Variants in TRMT5 observed in about 807,000 individuals in gnomAD.
TRMT5 encodes the protein tRNA methyltransferase 5, also known as tRNA (guanine(37)-N(1))-methyltransferase.
TRMT5 carries 31 observed loss-of-function variants against 42.2 expected under a neutral mutation model. The observed-to-expected ratio is 0.73, with a 90% CI of 0.55 to 0.99. TRMT5 has a LOEUF of 0.99. Among genes scored for constraint, TRMT5 ranks in the 50% least tolerant of loss-of-function variants. The pLI, the probability that TRMT5 is intolerant of heterozygous loss-of-function variation, is 0.00. For missense variants in TRMT5, 568 were observed against 595.0 expected (o/e 0.95, Z 0.47); for synonymous variants, 198 against 209.6 (o/e 0.94, Z 0.48).
intron 2 of TRMT5, 76 bp from the exon 3 acceptor site, chr14:60,977,714 G>C: frequency 7.2e-7 from 1 of 1,389,582 alleles, no homozygotes; most frequent in Non-Finnish European, 9.6e-7. Context: ...ATATGAAACA[G>C]AAATGAGTTG....
Position 60,980,967 on chromosome 14 carries a change from G to A in TRMT5, c.7C>T (p.Leu3Phe). 6.2e-7 allele frequency: 1 copy of A among 1,612,356 alleles called. No homozygotes were observed. Among genetic ancestry groups the A allele is most frequent in the Non-Finnish European group, 8.5e-7 (1 of 1,180,004 alleles). ...CTAACGCGGCCGCCACCTCACCAAA[G>A]CACCATTCCAATTCCCCACGTCGCT... is the stretch of plus-strand genomic sequence containing the variant. MV[L>F]WILWRPFGFS... Residue 3 changes from leucine to phenylalanine, a missense_variant, in exon 1 of 5, where the codon CTT becomes TTT. By Grantham distance (22) the Leu-to-Phe change is conservative. Coordinates refer to ENST00000261249, the MANE Select transcript of TRMT5 (RefSeq NM_020810.3).
At chr14:60,978,652 G>T (rs1398679134) in intron 2 of TRMT5, among the ~76,000 whole-genome samples, 3 of 152,166 alleles carry the variant, frequency 2.0e-5, no homozygotes, top group African/African-American at 7.2e-5. Flanking sequence ...TTGAGTTAGG[G>T]TAGGCAGTGA....
chr14:60,981,244 C>G (rs1287901764), upstream of TRMT5: 2 of 1,572,166 alleles, frequency 1.3e-6, no homozygotes, highest in South Asian at 2.3e-5. Context: ...GGTAGAGGCT[C>G]GTAGATGGAA....
intron 3 of TRMT5, among the ~76,000 whole-genome samples, chr14:60,976,983 A>T (rs929783004): frequency 2.0e-5 from 3 of 152,168 alleles, no homozygotes. Context: ...TCATAGATAG[A>T]TACATCTTCC....
chr14:60,976,096 C>T lies in TRMT5; in HGVS notation c.823G>A (p.Asp275Asn), dbSNP rs1566589759. Residue 275 changes from aspartate to asparagine, a missense_variant, in exon 4 of 5, where the codon GAT (aspartate) becomes AAT (asparagine). Coordinates refer to ENST00000261249, the MANE Select transcript of TRMT5 (RefSeq NM_020810.3). ...VRENNYTYEFDFSKVYWNPRL... is the reference protein window; with the variant it reads ...VRENNYTYEFNFSKVYWNPRL... ...GGATTCCAATAGACTTTTGAAAAAT[C>T]AAATTCATAGGTGTAGTTGTTTTCT... is the stretch of plus-strand genomic sequence containing the variant. 6.2e-7 allele frequency: 1 copy of T among 1,610,358 alleles called. No homozygotes were observed. The highest frequency in any genetic ancestry group is 2.2e-5 in the East Asian group (1 of 44,832).
chr14:60,975,486 G>C lies in TRMT5; in HGVS notation c.1433C>G (p.Thr478Ser), dbSNP rs1700239303. Residue 478 changes from threonine (T) to serine (S), a missense_variant, in exon 4 of 5, where the codon ACC (threonine) becomes AGC (serine). Thr to Ser is a moderately conservative substitution (Grantham distance 58). Coordinates refer to ENST00000261249, the MANE Select transcript of TRMT5 (RefSeq NM_020810.3). ...IPASVLYKNQ[T>S]RNPENHEDPP... Reference sequence around the variant, plus strand: ...CAGAAACTGCTCACCTGGATTTCTGGTCTGGTTCTTGTAGAGGACAGAGGC... The same window carrying C: ...CAGAAACTGCTCACCTGGATTTCTGCTCTGGTTCTTGTAGAGGACAGAGGC... The C allele has an allele frequency of 5.0e-6, 8 of 1,608,560 alleles. No homozygotes were observed. The highest frequency in any genetic ancestry group is 1.3e-5 in the African/African-American group (1 of 74,900).
At chr14:60,981,291 G>A (rs776298179), upstream of TRMT5, 12 of 1,606,846 alleles carry the variant, frequency 7.5e-6, no homozygotes, top group African/African-American at 1.3e-5. Flanking sequence ...GAGGCGTCCT[G>A]GGGGAGCTTC....
Position 60,974,999 on chromosome 14 carries a change from A to G in TRMT5, c.*110T>C. On this transcript the variant is annotated 3_prime_UTR_variant, in exon 5 of 5. Coordinates refer to ENST00000261249, the MANE Select transcript of TRMT5 (RefSeq NM_020810.3). Reference sequence around the variant, plus strand: ...TAATCCTCAATTTGTAAAATAAGGCAAAGTACAAGGGTTCAATAGTAAAAA... The same window carrying G: ...TAATCCTCAATTTGTAAAATAAGGCGAAGTACAAGGGTTCAATAGTAAAAA... 5.6e-6 allele frequency: 4 copies of G among 715,104 alleles called. No homozygotes were observed. The highest frequency in any genetic ancestry group is 8.5e-6 in the Non-Finnish European group (4 of 469,632). The allele number at this position is 715,104 out of a possible 1,614,324, so 44.3% of individuals were successfully genotyped here. A position where few individuals can be genotyped will look rare whatever the true frequency, so the allele number is the denominator to read the frequency against.
chr14:60,973,463 T>C lies in TRMT5; in HGVS notation c.*1646A>G, dbSNP rs1382624295. The C allele has an allele frequency of 6.6e-6, 1 of 152,204 alleles. No homozygotes were observed. Among genetic ancestry groups the C allele is most frequent in the Non-Finnish European group, 1.5e-5 (1 of 68,092 alleles). 9.4% of individuals were successfully genotyped at this position (152,204 alleles called of 1,614,324 possible). The stretch of plus-strand genomic sequence containing the variant: ...AACAACAAGATCTCATAACTCATTA[T>C]CTTAAGGACACCACCAAGGGGATAG... On this transcript the variant is annotated 3_prime_UTR_variant, in exon 5 of 5. Transcript: ENST00000261249.
At chr14:60,976,695 G>C (rs2036852984) in intron 3 of TRMT5, among the ~76,000 whole-genome samples, 2 of 152,152 alleles carry the variant, frequency 1.3e-5, no homozygotes, top group Admixed American at 6.5e-5. Context: ...TTGCAAATTT[G>C]ATGTCTATAA....
intron 2 of TRMT5, among the ~76,000 whole-genome samples, chr14:60,978,834 C>T (rs1194422158): frequency 6.6e-6 from 1 of 152,134 alleles, no homozygotes; most frequent in African/African-American, 2.4e-5. Context: ...TTGGTTGAAT[C>T]AATGAAAGCA....
intron 3 of TRMT5, among the ~76,000 whole-genome samples, chr14:60,976,499 A>G (rs1037316404): frequency 1.3e-5 from 2 of 152,220 alleles, no homozygotes; most frequent in Non-Finnish European, 2.9e-5. Flanking sequence ...ACAAGGCAAG[A>G]CCTACAATTT....
chr14:60,980,608 C>T (rs1220973061), intron 1 of TRMT5, among the ~76,000 whole-genome samples: 4 of 152,188 alleles, frequency 2.6e-5, no homozygotes, highest in African/African-American at 9.6e-5. Flanking sequence ...ATCAGTTATT[C>T]ACTGTCTTCT....
At position 60,975,874 on chromosome 14, in the gene TRMT5, C is replaced by T. The variant is rs1016764292; in HGVS notation, c.1045G>A (p.Val349Met). 1.2e-6 allele frequency: 2 copies of T among 1,614,204 alleles called. No individual in the cohort carries two copies. Among genetic ancestry groups the T allele is most frequent in the Middle Eastern group, 1.6e-4 (1 of 6,062 alleles). ...TTCCCATCCAAGTTGAAGACTTTCA[C>T]CTTTTGGTCCACTTTATTTAATTTA... ...NCKLNKVDQKVKVFNLDGKDF... is the reference protein window; with the variant it reads ...NCKLNKVDQKMKVFNLDGKDF... Residue 349 changes from valine (V) to methionine (M), a missense_variant, in exon 4 of 5, where the codon GTG becomes ATG. Physicochemically the swap from Val to Met is conservative, Grantham distance 21. Coordinates refer to ENST00000261249, the MANE Select transcript of TRMT5 (RefSeq NM_020810.3).
rs1454261057 is a variant in TRMT5 at position 60,974,444 on chromosome 14, A to T, written c.*665T>A. The T allele has an allele frequency of 6.6e-6, 1 of 152,320 alleles. No individual in the cohort carries two copies. The highest frequency in any genetic ancestry group is 2.4e-5 in the African/African-American group (1 of 41,438). 9.4% of individuals were successfully genotyped at this position (152,320 alleles called of 1,614,324 possible). ...AAGCGTTCCATATTAAAAACAAAAA[A>T]CAGCTGCAGATGATATGTAAACAAA... On this transcript the variant is annotated 3_prime_UTR_variant, in exon 5 of 5. Transcript: ENST00000261249.
chr14:60,975,598 T>G lies in TRMT5; in HGVS notation c.1321A>C (p.Ile441Leu). Residue 441 changes from isoleucine (I) to leucine (L), a missense_variant, in exon 4 of 5, where the codon ATT becomes CTT. Physicochemically the swap from Ile to Leu is conservative, Grantham distance 5 (BLOSUM62 2). Transcript: ENST00000261249. ...ACTGAACTGCATGCCTCCAGAGAAA[T>G]GCCTAACACAGCTCCAGCCCTTTGC... is the stretch of plus-strand genomic sequence containing the variant. ...VRQRAGAVLG[I>L]SLEACSSVHL... The G allele has an allele frequency of 6.2e-7, 1 of 1,614,170 alleles. No individual in the cohort carries two copies. The highest frequency in any genetic ancestry group is 8.5e-7 in the Non-Finnish European group (1 of 1,180,034).
Position 60,976,109 on chromosome 14 carries a change from G to A in TRMT5, c.810C>T (p.Tyr270=), listed in dbSNP as rs2036843757. 1.2e-6 allele frequency: 2 copies of A among 1,604,072 alleles called. No homozygotes were observed. Among genetic ancestry groups the A allele is most frequent in the Non-Finnish European group, 1.7e-6 (2 of 1,175,360 alleles). ...CTTTTGAAAAATCAAATTCATAGGTGTAGTTGTTTTCTCGAACCTGAAAAA... is the reference window on the plus strand; with the variant it reads ...CTTTTGAAAAATCAAATTCATAGGTATAGTTGTTTTCTCGAACCTGAAAAA... ...NMMTKVRENN[Y]TYEFDFSKVY... The change falls in exon 4 of 5, where the codon TAC becomes TAT. Residue 270 remains tyrosine, a synonymous_variant. Transcript: ENST00000261249.
At position 60,973,110 on chromosome 14, in the gene TRMT5, A is replaced by G. The variant is rs139043012; in HGVS notation, c.*1999T>C. On this transcript the variant is annotated 3_prime_UTR_variant, in exon 5 of 5. Transcript: ENST00000261249. ...ATCTTGTTTCTTTCTCTTTGATAGTATGACAAATGTGTAAGGATATTGTCA... is the reference window on the plus strand; with the variant it reads ...ATCTTGTTTCTTTCTCTTTGATAGTGTGACAAATGTGTAAGGATATTGTCA... 1 of 152,390 alleles carries G rather than the reference A, an allele frequency of 6.6e-6. No homozygotes were observed. Among genetic ancestry groups the G allele is most frequent in the African/African-American group, 2.4e-5 (1 of 41,584 alleles). 9.4% of individuals were successfully genotyped at this position (152,390 alleles called of 1,614,324 possible).
chr14:60,975,260 C>T, intron 4 of TRMT5, 66 bp from the exon 5 acceptor site: 1 of 1,419,618 alleles, frequency 7.0e-7, no homozygotes. Context: ...CTTAAAAAAA[C>T]AAACAATATA....
Sources: allele counts gnomAD v4.1 joint callset (sites outside exome capture counted in the v4.1 genomes callset), GRCh38; gene constraint gnomAD v4.1.1; transcripts MANE v1.5; gene names NCBI Gene and HGNC (gene_info 2026-07-23, HGNC 2026-07-21).